The following HEMK2 variants were observed in gnomAD, a reference collection of about 807,000 sequenced individuals.
HEMK2 encodes HemK methyltransferase 2, ETF1 glutamine and histone H4 lysine.
chr21:28,690,043 G>A, the HEMK2 span, among the ~76,000 whole-genome samples: 1 of 152,156 alleles, frequency 6.6e-6, no homozygotes, highest in Non-Finnish European at 1.5e-5. Flanking sequence ...GAAGGCAAAG[G>A]AGAAGCAAAG....
the HEMK2 span, chr21:28,882,066 G>A: frequency 1.1e-6 from 1 of 888,866 alleles, no homozygotes. Context: ...CTGCTTAGTG[G>A]GTCAAAAGTT....
At chr21:28,831,670 AGAAAGAAAGAAAGAAGGAAGGAAGGAAG>A in the HEMK2 span, among the ~76,000 whole-genome samples, 1 of 56,582 alleles carries the variant, frequency 1.8e-5, no homozygotes, top group African/African-American at 8.5e-5. Context: ...AAAGAAAGAA[AGAAAGAAAGAAAGAAGGAAGGAAGGAAG>A]GAAGGAAGGA....
chr21:28,867,435 C>G, the HEMK2 span, among the ~76,000 whole-genome samples: 1 of 152,138 alleles, frequency 6.6e-6, no homozygotes, highest in Non-Finnish European at 1.5e-5. Flanking sequence ...AAATTGTTGA[C>G]TCCAGTGAGG....
the HEMK2 span, among the ~76,000 whole-genome samples, chr21:28,677,346 G>A: frequency 6.6e-6 from 1 of 152,228 alleles, no homozygotes; most frequent in Non-Finnish European, 1.5e-5. Context: ...AGCGAGGCTG[G>A]GGGACGGGTG....
chr21:28,639,011 G>T, the HEMK2 span, among the ~76,000 whole-genome samples: 1 of 152,180 alleles, frequency 6.6e-6, no homozygotes, highest in Non-Finnish European at 1.5e-5. Context: ...TTTTATGGGA[G>T]AAACTGTAGG....
chr21:28,653,304 G>A, the HEMK2 span, among the ~76,000 whole-genome samples: 1 of 151,782 alleles, frequency 6.6e-6, no homozygotes, highest in Non-Finnish European at 1.5e-5. Context: ...ATACTCAGAA[G>A]AAAACCCAAA....
chr21:28,740,291 T>TA, the HEMK2 span, among the ~76,000 whole-genome samples: 1 of 152,212 alleles, frequency 6.6e-6, no homozygotes, highest in Non-Finnish European at 1.5e-5. Flanking sequence ...GACCACGCAA[T>TA]AAGATTTTCA....
At chr21:28,597,795 G>A in the HEMK2 span, among the ~76,000 whole-genome samples, 2 of 152,074 alleles carry the variant, frequency 1.3e-5, no homozygotes, top group African/African-American at 2.4e-5. Context: ...GAAGGGAGAT[G>A]GGATGAGGTT....
At chr21:28,690,808 C>T in the HEMK2 span, among the ~76,000 whole-genome samples, 1 of 152,130 alleles carries the variant, frequency 6.6e-6, no homozygotes, top group Non-Finnish European at 1.5e-5. Flanking sequence ...ACGTCTGTTA[C>T]TTCCAATATA....
chr21:28,604,693 A>C, the HEMK2 span, among the ~76,000 whole-genome samples: 1 of 152,216 alleles, frequency 6.6e-6, no homozygotes, highest in East Asian at 1.9e-4. Flanking sequence ...CCATATGATA[A>C]AGAATATTTT....
At chr21:28,835,123 T>C in the HEMK2 span, among the ~76,000 whole-genome samples, 1 of 151,904 alleles carries the variant, frequency 6.6e-6, no homozygotes, top group African/African-American at 2.4e-5. Flanking sequence ...CCACCACCAG[T>C]TCCTCCCCAT....
At chr21:28,881,934 G>A in the HEMK2 span, among the ~76,000 whole-genome samples, 4 of 152,090 alleles carry the variant, frequency 2.6e-5, no homozygotes, top group Non-Finnish European at 5.9e-5. Context: ...CTTTGTACCC[G>A]GACTAATTTT....
At chr21:28,742,173 G>A in the HEMK2 span, among the ~76,000 whole-genome samples, 87 of 152,336 alleles carry the variant, frequency 5.7e-4, no homozygotes, top group African/African-American at 2.0e-3. Context: ...CTTGGACAGA[G>A]ACCGTGTAGC....
At chr21:28,868,933 G>A in the HEMK2 span, among the ~76,000 whole-genome samples, 128,386 of 152,068 alleles carry the variant, frequency 0.84, 54,621 homozygotes, top group South Asian at 0.93. Context: ...TCATCTGTTA[G>A]TGATGACAAT....
chr21:28,852,564 G>C, the HEMK2 span, among the ~76,000 whole-genome samples: 23,557 of 152,026 alleles, frequency 0.15, 2,231 homozygotes, highest in East Asian at 0.49. Context: ...AGAAGCTAGA[G>C]GTGTCCTTGG....
the HEMK2 span, among the ~76,000 whole-genome samples, chr21:28,633,485 G>T: frequency 6.6e-6 from 1 of 152,158 alleles, no homozygotes; most frequent in East Asian, 1.9e-4. Flanking sequence ...GGGAATAGAA[G>T]AGACTGAACA....
the HEMK2 span, among the ~76,000 whole-genome samples, chr21:28,731,221 C>A: frequency 0.14 from 20,569 of 152,056 alleles, 1,613 homozygotes; most frequent in East Asian, 0.3. Flanking sequence ...CTCACAATAC[C>A]CTGTTTATAT....
At chr21:28,597,571 A>G in the HEMK2 span, among the ~76,000 whole-genome samples, 3 of 152,234 alleles carry the variant, frequency 2.0e-5, no homozygotes, top group Non-Finnish European at 4.4e-5. Flanking sequence ...GCTATATGGA[A>G]TACATCATTA....
the HEMK2 span, among the ~76,000 whole-genome samples, chr21:28,835,461 G>A: frequency 1.3e-5 from 2 of 152,076 alleles, no homozygotes; most frequent in Admixed American, 1.3e-4. Context: ...TACATCAAGG[G>A]AACAACCCGT....
Sources: gnomAD v4.1 joint callset for allele counts (sites outside exome capture counted in the v4.1 genomes callset) on GRCh38, gnomAD v4.1.1 for gene constraint, MANE v1.5 for transcripts, NCBI Gene and HGNC (gene_info 2026-07-23, HGNC 2026-07-21) for gene names.